The following PRKACB variants were observed in gnomAD, a reference collection of about 807,000 sequenced individuals.
The protein encoded by PRKACB is cAMP-dependent protein kinase catalytic subunit beta.
PRKACB carries 16 observed loss-of-function variants against 51.4 expected under a neutral mutation model. That is an observed-to-expected ratio of 0.31 (90% CI 0.21 to 0.47). The LOEUF is 0.47. Ranked by LOEUF, PRKACB falls within the 20% of genes least tolerant of loss-of-function variation. PRKACB has a pLI of 1.00. For missense variants in PRKACB, 309 were observed against 464.5 expected (o/e 0.67, Z 3.08); for synonymous variants, 147 against 154.4 (o/e 0.95, Z 0.35).
chr1:84,234,328 A>G (rs1197390398), intron 9 of PRKACB, among the ~76,000 whole-genome samples: 2 of 152,196 alleles, frequency 1.3e-5, no homozygotes, highest in Non-Finnish European at 2.9e-5. Context: ...GCTGTCAGAC[A>G]GGGACATTTA....
upstream of PRKACB, among the ~76,000 whole-genome samples, chr1:84,140,829 A>G (rs145265316): frequency 2.6e-5 from 4 of 152,250 alleles, no homozygotes; most frequent in African/African-American, 9.6e-5. Context: ...AGTACAAGAA[A>G]CCCTGATCTA....
chr1:84,117,766 G>T (rs1650748826), intron 1 of PRKACB, among the ~76,000 whole-genome samples: 1 of 151,994 alleles, frequency 6.6e-6, no homozygotes, highest in African/African-American at 2.4e-5. Flanking sequence ...CGTTTATGTT[G>T]TTTTTAAAGC....
chr1:84,165,102 G>T, intron 1 of PRKACB: 1 of 1,052,928 alleles, frequency 9.5e-7, no homozygotes, highest in East Asian at 2.7e-5. Flanking sequence ...CAGTTATAAA[G>T]CCACAGCTAC....
chr1:84,194,481 G>A (rs1358940182), intron 5 of PRKACB, among the ~76,000 whole-genome samples: 1 of 152,144 alleles, frequency 6.6e-6, no homozygotes, highest in Non-Finnish European at 1.5e-5. Context: ...ATCAAATGAG[G>A]CATTATAATT....
At chr1:84,232,940 A>T (rs912616820) in intron 9 of PRKACB, among the ~76,000 whole-genome samples, 1 of 151,514 alleles carries the variant, frequency 6.6e-6, no homozygotes, top group African/African-American at 2.4e-5. Context: ...TTATGTGTGA[A>T]TTTGATCCTG....
intron 2 of PRKACB, among the ~76,000 whole-genome samples, chr1:84,180,594 A>G (rs950818517): frequency 2.6e-5 from 4 of 152,066 alleles, no homozygotes; most frequent in South Asian, 4.1e-4. Context: ...AAAAGATATT[A>G]TAACCAAAAA....
At chr1:84,110,319 A>G (rs1345653845) in intron 1 of PRKACB, among the ~76,000 whole-genome samples, 3 of 151,946 alleles carry the variant, frequency 2.0e-5, no homozygotes, top group African/African-American at 4.8e-5. Context: ...GATTTAAAGT[A>G]TATGGGAAGA....
intron 2 of PRKACB, chr1:84,181,581 C>G: frequency 1.1e-6 from 1 of 883,122 alleles, no homozygotes; most frequent in African/African-American, 1.7e-5. Context: ...GAATGAGGAA[C>G]TCTTCTTTCC....
At chr1:84,178,201 A>G (rs1352151656) in intron 1 of PRKACB, among the ~76,000 whole-genome samples, 1 of 152,030 alleles carries the variant, frequency 6.6e-6, no homozygotes, top group Non-Finnish European at 1.5e-5. Flanking sequence ...TCTCACTTCA[A>G]TACTACTGTA....
At chr1:84,215,207 C>CT (rs35548404) in intron 9 of PRKACB, among the ~76,000 whole-genome samples, 43,812 of 152,048 alleles carry the variant, frequency 0.29, 6,963 homozygotes, top group Non-Finnish European at 0.36. Context: ...GAAGTTACTA[C>CT]TTTTTTCCTT....
intron 1 of PRKACB, among the ~76,000 whole-genome samples, chr1:84,093,618 CACAT>C (rs1367771282): frequency 1.3e-5 from 2 of 151,852 alleles, no homozygotes; most frequent in Non-Finnish European, 2.9e-5. Flanking sequence ...TGTCAATTTT[CACAT>C]ACATAATTAT....
intron 8 of PRKACB, among the ~76,000 whole-genome samples, chr1:84,208,124 T>A (rs1308625905): frequency 1.3e-5 from 2 of 152,202 alleles, no homozygotes; most frequent in African/African-American, 2.4e-5. Flanking sequence ...TGTCTTGGCG[T>A]CTCAAATTAC....
At chr1:84,201,091 A>AG (rs1286312901) in intron 7 of PRKACB, among the ~76,000 whole-genome samples, 8 of 152,114 alleles carry the variant, frequency 5.3e-5, no homozygotes, top group Non-Finnish European at 1.2e-4. Flanking sequence ...TACTGGGTCA[A>AG]GGAATAGGAA....
upstream of PRKACB, chr1:84,078,089 CCACCGCCGT>C (rs1168544033): frequency 9.9e-6 from 4 of 404,346 alleles, no homozygotes; most frequent in African/African-American, 2.1e-5. Flanking sequence ...ACTGCTGCTG[CCACCGCCGT>C]CGCCGCCGCC....
At chr1:84,175,770 C>A in intron 1 of PRKACB, 1 of 1,558,874 alleles carries the variant, frequency 6.4e-7, no homozygotes, top group Non-Finnish European at 8.7e-7. Context: ...GTGAATGTTC[C>A]TGCAAACAAA....
At chr1:84,207,003 A>G (rs561092228) in intron 8 of PRKACB, among the ~76,000 whole-genome samples, 1 of 152,330 alleles carries the variant, frequency 6.6e-6, no homozygotes, top group Admixed American at 6.5e-5. Flanking sequence ...GGAAATTACA[A>G]TGTCATTTAC....
intron 1 of PRKACB, among the ~76,000 whole-genome samples, chr1:84,098,775 C>T (rs1394088918): frequency 6.6e-6 from 1 of 151,918 alleles, no homozygotes; most frequent in East Asian, 1.9e-4. Context: ...TCTGGTTTTG[C>T]CAAGCAAGTA....
chr1:84,214,495 T>C (rs961072666), intron 9 of PRKACB, among the ~76,000 whole-genome samples, 178 bp downstream of exon 9: 8 of 97,546 alleles, frequency 8.2e-5, no homozygotes, highest in Admixed American at 3.8e-4. Flanking sequence ...CCCTAGAATT[T>C]TTTTTTTTTT....
At chr1:84,165,152 A>G in intron 1 of PRKACB, 3 of 631,470 alleles carry the variant, frequency 4.8e-6, no homozygotes, top group Non-Finnish European at 2.5e-6. Flanking sequence ...GTACTTAGGC[A>G]TTATAGTAAA....
Sources: allele counts gnomAD v4.1 joint callset (sites outside exome capture counted in the v4.1 genomes callset), GRCh38; gene constraint gnomAD v4.1.1; transcripts MANE v1.5; gene names NCBI Gene and HGNC (gene_info 2026-07-23, HGNC 2026-07-21).